SPTA1: variants seen among roughly 807,000 people sequenced by gnomAD.
SPTA1 encodes the protein spectrin alpha, erythrocytic 1.
SPTA1 carries 177 observed loss-of-function variants against 324.7 expected under a neutral mutation model. That is an observed-to-expected ratio of 0.55 (90% CI 0.48 to 0.62). SPTA1 has a LOEUF of 0.62. SPTA1 is among the 20% of genes least tolerant of loss of function. SPTA1 has a pLI of 0.00. For synonymous variants in SPTA1, 1,195 were observed against 1,041.3 expected, an observed-to-expected ratio of 1.15 and a Z score of -2.84; for missense variants, 3,162 against 2,883.6, an observed-to-expected ratio of 1.10 and a Z score of -2.21.
rs113663367 is a variant in SPTA1 at position 158,671,200 on chromosome 1, G to A, written c.1599+143C>T. 6.9e-3 allele frequency: 4,771 copies of A among 687,370 alleles called. 157 individuals carry two copies. In the African/African-American group the frequency reaches 0.071, roughly 10 times the overall value. The allele number at this position is 687,370 out of a possible 1,614,324, so 42.6% of individuals were successfully genotyped here. A position where few individuals can be genotyped will look rare whatever the true frequency, so the allele number is the denominator to read the frequency against. On this transcript the variant is annotated intron_variant, in intron 12 of 51. Transcript: ENST00000643759. ...ACACACAAATAAACACACCAACAAC[G>A]AAAGAAGAGATGCAACTTGATTAGG...
At chr1:158,621,015 T>C (rs1301457944) in intron 43 of SPTA1, among the ~76,000 whole-genome samples, 1 of 152,154 alleles carries the variant, frequency 6.6e-6, no homozygotes, top group Non-Finnish European at 1.5e-5. Context: ...CTTTTAAACC[T>C]TGTTCAGGCC....
At chr1:158,612,573 A>T in intron 51 of SPTA1, 1 of 505,542 alleles carries the variant, frequency 2.0e-6, no homozygotes, top group Non-Finnish European at 3.6e-6. Context: ...AAAAAGAAAT[A>T]GCCTTAAAAA....
rs180781097 is a variant in SPTA1, at chr1:158,653,596, G to T, written c.3037-171C>A. Among the ~76,000 whole-genome samples the T allele has an allele frequency of 1.8e-4, 27 of 152,260 alleles. No individual in the cohort carries two copies. In the East Asian group the frequency reaches 5.2e-3, roughly 29 times the overall value. On this transcript the variant is annotated intron_variant, in intron 21 of 51. Coordinates refer to ENST00000643759, the MANE Select transcript of SPTA1 (RefSeq NM_003126.4). ...ATATATGACCAAGAAATGAAATGAA[G>T]AATTGCATAGACAAGCCCCTGAAAT...
chr1:158,630,962 A>G (rs1244621942), intron 39 of SPTA1, among the ~76,000 whole-genome samples: 1 of 152,162 alleles, frequency 6.6e-6, no homozygotes, highest in African/African-American at 2.4e-5. Context: ...GCCATATTAA[A>G]AAGTCAAAAA....
chr1:158,662,591 G>C, intron 17 of SPTA1, 111 bp downstream of exon 17: 1 of 1,462,518 alleles, frequency 6.8e-7, no homozygotes. Context: ...AGTGTGAGAA[G>C]AAACAGCTAA....
chr1:158,635,079 C>T (rs1012190429), intron 38 of SPTA1, among the ~76,000 whole-genome samples: 2 of 152,130 alleles, frequency 1.3e-5, no homozygotes, highest in South Asian at 2.1e-4. Flanking sequence ...CCTTTTAGCC[C>T]CCCCCAGGAA....
chr1:158,680,191 A>C (rs1360333543), intron 5 of SPTA1, among the ~76,000 whole-genome samples: 1 of 152,144 alleles, frequency 6.6e-6, no homozygotes, highest in Non-Finnish European at 1.5e-5. Flanking sequence ...ATAAATAATG[A>C]TAGCTCAACA....
At chr1:158,636,458 A>G (rs1651076439) in intron 37 of SPTA1, among the ~76,000 whole-genome samples, 183 bp downstream of exon 37, 1 of 152,182 alleles carries the variant, frequency 6.6e-6, no homozygotes, top group South Asian at 2.1e-4. Context: ...TCTTGTTCAG[A>G]ACTCTTCTAC....
chr1:158,635,079 C>G (rs1012190429), intron 38 of SPTA1, among the ~76,000 whole-genome samples: 1 of 152,012 alleles, frequency 6.6e-6, no homozygotes, highest in Non-Finnish European at 1.5e-5. Flanking sequence ...CCTTTTAGCC[C>G]CCCCCAGGAA....
chr1:158,655,266 A>G (rs1006456455), intron 20 of SPTA1, among the ~76,000 whole-genome samples: 1 of 152,290 alleles, frequency 6.6e-6, no homozygotes, highest in Non-Finnish European at 1.5e-5. Context: ...AGGCCACAGA[A>G]TTTTAAAAAC....
chr1:158,614,379 AAG>A (rs1649435795), intron 48 of SPTA1, 73 bp from the exon 49 acceptor site: 1 of 1,069,926 alleles, frequency 9.3e-7, no homozygotes, highest in African/African-American at 1.6e-5. Context: ...AGCCACATGG[AAG>A]AGAGAGGAAT....
chr1:158,612,437 A>C (rs1171081408), intron 51 of SPTA1: 2 of 289,516 alleles, frequency 6.9e-6, no homozygotes, highest in Non-Finnish European at 1.3e-5. Context: ...AGTGTTTTTA[A>C]CTTGTAAAGT....
At chr1:158,619,417 CAT>C (rs1649770349) in intron 44 of SPTA1, 83 bp from the exon 45 acceptor site, 2 of 1,306,438 alleles carry the variant, frequency 1.5e-6, no homozygotes, top group Non-Finnish European at 1.1e-6. Context: ...GGCTTAACTG[CAT>C]ATCTTTCCTC....
At position 158,652,453 on chromosome 1, in the gene SPTA1, T is replaced by G. The variant is rs748248496; in HGVS notation, c.3375+14A>C. 1 of 1,613,664 alleles carries G rather than the reference T, an allele frequency of 6.2e-7. No homozygotes were observed. Among genetic ancestry groups the G allele is most frequent in the Non-Finnish European group, 8.5e-7 (1 of 1,179,788 alleles). On this transcript the variant is annotated intron_variant, in intron 23 of 51. Coordinates refer to ENST00000643759, the MANE Select transcript of SPTA1 (RefSeq NM_003126.4). ...AACAATGGCAACCTTCAAGAGAAGG[T>G]TCCTCTTTCTCACCTTTTGGAACTC...
At chr1:158,630,985 G>A (rs776057767) in intron 39 of SPTA1, among the ~76,000 whole-genome samples, 3 of 152,046 alleles carry the variant, frequency 2.0e-5, no homozygotes, top group South Asian at 4.1e-4. Flanking sequence ...AATAGATATC[G>A]GTGTGGATGT....
intron 31 of SPTA1, 122 bp from the exon 32 acceptor site, chr1:158,643,098 T>A: frequency 7.0e-7 from 1 of 1,418,924 alleles, no homozygotes. Context: ...CTTATTATTT[T>A]CATTATAAAA....
chr1:158,615,252 C>T lies in SPTA1; in HGVS notation c.6752G>A (p.Arg2251Gln), dbSNP rs372533502. 7.2e-5 allele frequency: 116 copies of T among 1,613,676 alleles called. No homozygotes were observed. Among genetic ancestry groups the T allele is most frequent in the Middle Eastern group, 1.8e-4 (1 of 5,690 alleles). ...QWDQLYQLGL[R>Q]MQHNLEQQIQ... ...CTGTTGCTCCAGGTTGTGTTGCATC[C>T]GCAACCCAAGCTGGTAGAGCTGGTC... The change falls in exon 48 of 52, where the codon CGG (arginine) becomes CAG (glutamine). Residue 2251 changes from arginine (R) to glutamine (Q), a missense_variant. Physicochemically the swap from Arg to Gln is conservative, Grantham distance 43. Transcript: ENST00000643759.
At chr1:158,622,917 T>C in intron 43 of SPTA1, 66 bp downstream of exon 43, 1 of 1,395,070 alleles carries the variant, frequency 7.2e-7, no homozygotes, top group Non-Finnish European at 1.0e-6. Context: ...CCAATATCTG[T>C]TTCCGAATTT....
At chr1:158,616,889 C>A (rs1385832495) in intron 47 of SPTA1, among the ~76,000 whole-genome samples, 2 of 152,084 alleles carry the variant, frequency 1.3e-5, no homozygotes, top group Non-Finnish European at 2.9e-5. Flanking sequence ...TCTTCACCAG[C>A]ATCCATTATT....
Sources: gnomAD v4.1 joint callset for allele counts (sites outside exome capture counted in the v4.1 genomes callset) on GRCh38, gnomAD v4.1.1 for gene constraint, MANE v1.5 for transcripts, NCBI Gene and HGNC (gene_info 2026-07-23, HGNC 2026-07-21) for gene names.